BRINP3: variants seen among roughly 807,000 people sequenced by gnomAD.
BRINP3 encodes BMP/retinoic acid inducible neural specific 3, also known as BMP/retinoic acid-inducible neural-specific protein 3.
Under a neutral mutation model 71.0 loss-of-function variants are expected in BRINP3, and 19 were observed. The ratio of observed to expected loss-of-function variants is 0.27; its 90% CI spans 0.19 to 0.39. The LOEUF (loss-of-function observed/expected upper bound fraction) is 0.39. Ranked by LOEUF, BRINP3 falls within the 10% of genes least tolerant of loss-of-function variation. BRINP3 has a pLI of 1.00. For synonymous variants in BRINP3, 380 were observed against 337.7 expected (o/e 1.13, Z -1.37); for missense variants, 959 against 940.8 (o/e 1.02, Z -0.25).
At chr1:190,470,851 A>G (rs919138730) in intron 1 of BRINP3, among the ~76,000 whole-genome samples, 6 of 151,226 alleles carry the variant, frequency 4.0e-5, no homozygotes, top group African/African-American at 1.4e-4. Flanking sequence ...GGGAAAAGAT[A>G]TTGATTAGTA....
chr1:190,441,425 G>A (rs987962919), intron 2 of BRINP3, among the ~76,000 whole-genome samples: 1 of 151,998 alleles, frequency 6.6e-6, no homozygotes, highest in Admixed American at 6.6e-5. Flanking sequence ...TGTGCTAAAA[G>A]AAAATGGTTC....
chr1:190,435,968 G>A (rs1476663595), intron 2 of BRINP3, among the ~76,000 whole-genome samples: 2 of 151,896 alleles, frequency 1.3e-5, no homozygotes, highest in South Asian at 2.1e-4. Context: ...TTTGTCCATA[G>A]ACAAAATAGA....
chr1:190,199,806 A>G (rs971532180), intron 6 of BRINP3, among the ~76,000 whole-genome samples: 5 of 151,796 alleles, frequency 3.3e-5, no homozygotes, highest in Admixed American at 6.6e-5. Flanking sequence ...ACAAACAAAA[A>G]AAAAACCTAA....
intron 5 of BRINP3, among the ~76,000 whole-genome samples, chr1:190,230,109 A>G (rs945538496): frequency 6.6e-6 from 1 of 151,960 alleles, no homozygotes; most frequent in Non-Finnish European, 1.5e-5. Context: ...GCAGAAGAAT[A>G]CGTTTAAAAG....
chr1:190,137,949 G>T (rs1290002069), intron 7 of BRINP3, among the ~76,000 whole-genome samples: 1 of 145,484 alleles, frequency 6.9e-6, no homozygotes, highest in Admixed American at 6.9e-5. Flanking sequence ...AGACTTCCTA[G>T]TTTTTTTTTT....
intron 2 of BRINP3, among the ~76,000 whole-genome samples, chr1:190,312,303 G>GT (rs150825810): frequency 0.011 from 1,619 of 151,094 alleles, 22 homozygotes; most frequent in African/African-American, 0.036. Context: ...GAATATGCAT[G>GT]TATCTGAAAA....
chr1:190,368,000 C>A (rs530714329), intron 2 of BRINP3, among the ~76,000 whole-genome samples: 114 of 152,266 alleles, frequency 7.5e-4, no homozygotes, highest in African/African-American at 2.7e-3. Context: ...TCAACCTCTG[C>A]CTGTCATCCA....
chr1:190,468,851 A>T (rs1225074030), intron 1 of BRINP3, among the ~76,000 whole-genome samples: 1 of 151,064 alleles, frequency 6.6e-6, no homozygotes, highest in Non-Finnish European at 1.5e-5. Flanking sequence ...ATATACTTTG[A>T]ATGTCCTTTA....
chr1:190,361,682 G>T (rs575405397), intron 2 of BRINP3, among the ~76,000 whole-genome samples: 3 of 152,070 alleles, frequency 2.0e-5, no homozygotes, highest in Non-Finnish European at 4.4e-5. Context: ...AATTACAGGC[G>T]TGAGCCACCA....
At chr1:190,351,287 A>G (rs1307622062) in intron 2 of BRINP3, among the ~76,000 whole-genome samples, 2 of 152,172 alleles carry the variant, frequency 1.3e-5, no homozygotes, top group Non-Finnish European at 2.9e-5. Flanking sequence ...GCAATTGGAT[A>G]CAGCAGGAAG....
chr1:190,268,030 A>G (rs1334153877), intron 3 of BRINP3, among the ~76,000 whole-genome samples: 1 of 152,142 alleles, frequency 6.6e-6, no homozygotes. Flanking sequence ...ATTATGACTA[A>G]AACAATAATG....
Position 190,117,342 on chromosome 1 carries a change from A to T in BRINP3, c.1185-18208T>A, listed in dbSNP as rs944379678. Among the ~76,000 whole-genome samples, 3 of 152,166 alleles carry T rather than the reference A, an allele frequency of 2.0e-5. No individual in the cohort carries two copies. In the East Asian group the frequency reaches 5.8e-4, roughly 29 times the overall value. On this transcript the variant is annotated intron_variant, in intron 7 of 7. Coordinates refer to ENST00000367462, the MANE Select transcript of BRINP3 (RefSeq NM_199051.3). Reference sequence around the variant, plus strand: ...ATAATTGTTGAAAACCTGAAAAGACACAATGGCTAATATTAAGGAGCCTAT... The same window carrying T: ...ATAATTGTTGAAAACCTGAAAAGACTCAATGGCTAATATTAAGGAGCCTAT...
chr1:190,333,315 A>G (rs1252452394), intron 2 of BRINP3, among the ~76,000 whole-genome samples: 1 of 151,974 alleles, frequency 6.6e-6, no homozygotes, highest in Non-Finnish European at 1.5e-5. Context: ...TTCTGAAGCA[A>G]ACACATGAAG....
chr1:190,314,202 T>C (rs1452727747), intron 2 of BRINP3, among the ~76,000 whole-genome samples: 3 of 151,988 alleles, frequency 2.0e-5, no homozygotes, highest in Admixed American at 1.3e-4. Context: ...TAATGGAGAA[T>C]AATAGAAAAG....
chr1:190,385,795 G>A (rs1318940657), intron 2 of BRINP3, among the ~76,000 whole-genome samples: 2 of 151,402 alleles, frequency 1.3e-5, no homozygotes, highest in African/African-American at 2.4e-5. Flanking sequence ...TGTTTATTGT[G>A]GCATTATTCA....
At chr1:190,308,056 A>G (rs978019171) in intron 2 of BRINP3, among the ~76,000 whole-genome samples, 2 of 151,982 alleles carry the variant, frequency 1.3e-5, no homozygotes, top group African/African-American at 4.8e-5. Flanking sequence ...GTATAAACAT[A>G]TATCAAAGGA....
chr1:190,395,558 G>A (rs1671513790), intron 2 of BRINP3, among the ~76,000 whole-genome samples: 1 of 151,626 alleles, frequency 6.6e-6, no homozygotes, highest in Non-Finnish European at 1.5e-5. Context: ...GAAATATTGA[G>A]AAGTATATGA....
intron 2 of BRINP3, among the ~76,000 whole-genome samples, chr1:190,310,320 A>G (rs1250889571): frequency 6.6e-6 from 1 of 151,698 alleles, no homozygotes. Context: ...TTTACTGAAA[A>G]TATTCCACCA....
intron 6 of BRINP3, among the ~76,000 whole-genome samples, chr1:190,187,238 C>T (rs372600306): frequency 1.3e-5 from 2 of 152,074 alleles, no homozygotes; most frequent in South Asian, 2.1e-4. Context: ...TGTTTTATTG[C>T]TATTAAGTTG....
Sources: gnomAD v4.1 joint callset for allele counts (sites outside exome capture counted in the v4.1 genomes callset) on GRCh38, gnomAD v4.1.1 for gene constraint, MANE v1.5 for transcripts, NCBI Gene and HGNC (gene_info 2026-07-23, HGNC 2026-07-21) for gene names.